The following LUC7L3 variants were observed in gnomAD, a reference collection of about 807,000 sequenced individuals.
LUC7L3 encodes the protein luc7-like protein 3.
LUC7L3 carries 6 observed loss-of-function variants against 66.8 expected under a neutral mutation model. That is an observed-to-expected ratio of 0.09 (90% confidence interval 0.05 to 0.18). LUC7L3 has a LOEUF of 0.18. Among genes scored for constraint, LUC7L3 ranks in the 10% least tolerant of loss-of-function variants. The pLI is 1.00. For synonymous variants in LUC7L3, 160 were observed against 174.7 expected, an observed-to-expected ratio of 0.92 and a Z score of 0.66; for missense variants, 341 against 531.1, an observed-to-expected ratio of 0.64 and a Z score of 3.52.
At chr17:50,739,607 T>C (rs1970213797) in intron 2 of LUC7L3, among the ~76,000 whole-genome samples, 1 of 152,022 alleles carries the variant, frequency 6.6e-6, no homozygotes, top group Admixed American at 6.6e-5. Context: ...TGAGCCAAAA[T>C]TGCGCCGCTG....
At chr17:50,736,233 A>C (rs1291578978) in intron 1 of LUC7L3, among the ~76,000 whole-genome samples, 2 of 152,234 alleles carry the variant, frequency 1.3e-5, no homozygotes, top group African/African-American at 4.8e-5. Flanking sequence ...TTTGATTTGT[A>C]GTGTTATAAA....
In LUC7L3 at chr17:50,755,781, GAAGAA is replaced by G. The variant is rs1034326575; in HGVS notation, c.*5126_*5130del. On this transcript the variant is annotated 3_prime_UTR_variant, in exon 10 of 10. Transcript: ENST00000505658. ...GGATTTAAGCATTTGTGTGTAATAG[GAAGAA>G]AAGAAGAAAAAACCCGGGAAGATCC... The G allele has an allele frequency of 6.6e-6, 1 of 152,142 alleles. No individual in the cohort carries two copies. Among genetic ancestry groups the G allele is most frequent in the Non-Finnish European group, 1.5e-5 (1 of 68,030 alleles). 9.4% of individuals were successfully genotyped at this position (152,142 alleles called of 1,614,324 possible). A position where few individuals can be genotyped will look rare whatever the true frequency, so the allele number is the denominator to read the frequency against.
intron 1 of LUC7L3, among the ~76,000 whole-genome samples, chr17:50,733,398 G>GTTTTTT (rs35236108): frequency 1.0e-5 from 1 of 98,330 alleles, no homozygotes; most frequent in Non-Finnish European, 1.9e-5. Flanking sequence ...CGCCTGGCTA[G>GTTTTTT]TTTTTTTTTT....
Position 50,750,735 on chromosome 17 carries a change from A to G in LUC7L3, c.*74A>G. ...CTCACTTTGATTAGGGCTTTTTGTT[A>G]CTGTTTGACAGTGCAGCGTAAGTAT... On this transcript the variant is annotated 3_prime_UTR_variant, in exon 10 of 10. Transcript: ENST00000505658. 1 of 1,612,680 alleles carries G rather than the reference A, an allele frequency of 6.2e-7. No individual in the cohort carries two copies. Among genetic ancestry groups the G allele is most frequent in the Non-Finnish European group, 8.5e-7 (1 of 1,179,508 alleles).
chr17:50,732,692 T>G (rs2146719376), intron 1 of LUC7L3, among the ~76,000 whole-genome samples: 1 of 152,220 alleles, frequency 6.6e-6, no homozygotes, highest in East Asian at 1.9e-4. Flanking sequence ...TATCTCCTTT[T>G]TTAATACTAT....
intron 2 of LUC7L3, among the ~76,000 whole-genome samples, chr17:50,739,203 A>G (rs973902229): frequency 6.6e-6 from 1 of 152,206 alleles, no homozygotes; most frequent in African/African-American, 2.4e-5. Context: ...CAGGACAATA[A>G]TTCTATAGTG....
In LUC7L3 at chr17:50,745,717, T is replaced by C; in HGVS notation, c.694-3T>C. ...GCATAAGAATCCAACTTGATTTTTC[T>C]AGGAAAAGTTAAGGAAAAGAACCGA... On this transcript the variant is annotated splice_polypyrimidine_tract_variant and splice_region_variant and intron_variant, in intron 7 of 9. Transcript: ENST00000505658. 1 of 1,568,492 alleles carries C rather than the reference T, an allele frequency of 6.4e-7. No individual in the cohort carries two copies. Among genetic ancestry groups the C allele is most frequent in the Non-Finnish European group, 8.6e-7 (1 of 1,166,092 alleles).
chr17:50,746,530 T>TA lies in LUC7L3; in HGVS notation c.978-9dup. The TA allele has an allele frequency of 6.2e-7, 1 of 1,606,406 alleles. No homozygotes were observed. Among genetic ancestry groups the TA allele is most frequent in the Non-Finnish European group, 8.5e-7 (1 of 1,177,820 alleles). ...ACTGGCTGAAGTTGCCTTTTGGTTT[T>TA]AAATTATTAAGAAGTAGAGATCGAC... is the stretch of plus-strand genomic sequence containing the variant. On this transcript the variant is annotated splice_polypyrimidine_tract_variant and intron_variant, in intron 8 of 9. Coordinates refer to ENST00000505658, the MANE Select transcript of LUC7L3 (RefSeq NM_016424.5).
At chr17:50,728,470 ATATT>A (rs534842482) in intron 1 of LUC7L3, among the ~76,000 whole-genome samples, 122 of 152,140 alleles carry the variant, frequency 8.0e-4, no homozygotes, top group South Asian at 4.6e-3. Context: ...GTAAAAAAAA[ATATT>A]TATAGACTGT....
At chr17:50,731,461 C>T (rs114017029) in intron 1 of LUC7L3, among the ~76,000 whole-genome samples, 1,542 of 152,356 alleles carry the variant, frequency 0.01, 24 homozygotes, top group African/African-American at 0.035. Context: ...AGCCACCACA[C>T]CTGGCCTCTC....
At chr17:50,727,137 G>A (rs983526109) in intron 1 of LUC7L3, among the ~76,000 whole-genome samples, 1 of 152,124 alleles carries the variant, frequency 6.6e-6, no homozygotes, top group Non-Finnish European at 1.5e-5. Context: ...CAAAATACGT[G>A]TTAACCAACT....
In LUC7L3 at chr17:50,755,422, T is replaced by G. The variant is rs1449904073; in HGVS notation, c.*4761T>G. On this transcript the variant is annotated 3_prime_UTR_variant, in exon 10 of 10. Coordinates refer to ENST00000505658, the MANE Select transcript of LUC7L3 (RefSeq NM_016424.5). ...CTGGTAATATTTAGAAACATTTATT[T>G]TGAGATAAAGGAGAGCACTTTTAAG... 1 of 152,244 alleles carries G rather than the reference T, an allele frequency of 6.6e-6. No homozygotes were observed. The highest frequency in any genetic ancestry group is 1.5e-5 in the Non-Finnish European group (1 of 68,042). 9.4% of individuals were successfully genotyped at this position (152,244 alleles called of 1,614,324 possible).
intron 4 of LUC7L3, 41 bp from the exon 5 acceptor site, chr17:50,741,613 TTTG>T (rs1567872011): frequency 2.3e-6 from 3 of 1,279,820 alleles, no homozygotes; most frequent in Non-Finnish European, 3.4e-6. Flanking sequence ...CATGTTTATC[TTTG>T]TTTTCAACTT....
At chr17:50,742,354 T>G (rs938898349) in intron 5 of LUC7L3, among the ~76,000 whole-genome samples, 1 of 152,080 alleles carries the variant, frequency 6.6e-6, no homozygotes, top group Non-Finnish European at 1.5e-5. Flanking sequence ...TTGGAGTCTG[T>G]TTTGTTGTCG....
chr17:50,741,587 G>A (rs564167013), intron 4 of LUC7L3, 70 bp from the exon 5 acceptor site: 3 of 848,254 alleles, frequency 3.5e-6, no homozygotes, highest in African/African-American at 3.4e-5. Context: ...TATTATGTAT[G>A]GTATGTGCAA....
At chr17:50,726,307 G>A (rs1349239308) in intron 1 of LUC7L3, among the ~76,000 whole-genome samples, 1 of 152,144 alleles carries the variant, frequency 6.6e-6, no homozygotes, top group Non-Finnish European at 1.5e-5. Context: ...AGGTAGCTGG[G>A]ATTACAGCCG....
chr17:50,727,367 A>C (rs1448412599), intron 1 of LUC7L3, among the ~76,000 whole-genome samples: 1 of 152,214 alleles, frequency 6.6e-6, no homozygotes, highest in Non-Finnish European at 1.5e-5. Flanking sequence ...CACTCATGGC[A>C]GAAGGGGAGC....
intron 1 of LUC7L3, among the ~76,000 whole-genome samples, chr17:50,729,367 T>C (rs1268353502): frequency 6.6e-6 from 1 of 152,208 alleles, no homozygotes; most frequent in East Asian, 1.9e-4. Context: ...GACTATGCTG[T>C]TTATTTTCAT....
Position 50,741,636 on chromosome 17 carries a change from AC to A in LUC7L3, c.352-20del. 5 of 1,553,042 alleles carry A rather than the reference AC, an allele frequency of 3.2e-6. No homozygotes were observed. Among genetic ancestry groups the A allele is most frequent in the Non-Finnish European group, 4.4e-6 (5 of 1,126,434 alleles). On this transcript the variant is annotated intron_variant, in intron 4 of 9. Transcript: ENST00000505658. Reference sequence around the variant, plus strand: ...TCTTTGTTTTCAACTTGTTGGTAATACGTTTTATTGTCTTCAATAGGCCGCT... The same window carrying A: ...TCTTTGTTTTCAACTTGTTGGTAATAGTTTTATTGTCTTCAATAGGCCGCT...
Sources: gnomAD v4.1 joint callset for allele counts (sites outside exome capture counted in the v4.1 genomes callset) on GRCh38, gnomAD v4.1.1 for gene constraint, MANE v1.5 for transcripts, NCBI Gene and HGNC (gene_info 2026-07-23, HGNC 2026-07-21) for gene names.